Variants in ADCY2 observed in about 807,000 individuals in gnomAD.
ADCY2 encodes adenylate cyclase type 2.
In ADCY2, 31 loss-of-function variants were observed where a neutral mutation model predicts 125.2. The ratio of observed to expected loss-of-function variants is 0.25; its 90% CI spans 0.19 to 0.33. The LOEUF (loss-of-function observed/expected upper bound fraction) is 0.33. Ranked by LOEUF, ADCY2 falls within the 10% of genes least tolerant of loss-of-function variation. ADCY2 has a pLI of 1.00. For synonymous variants in ADCY2, 512 were observed against 548.4 expected (o/e 0.93, Z 0.93); for missense variants, 904 against 1,418.2 (o/e 0.64, Z 5.82).
chr5:7,516,762 C>T (rs547814042), intron 2 of ADCY2, among the ~76,000 whole-genome samples: 18 of 152,306 alleles, frequency 1.2e-4, no homozygotes, highest in African/African-American at 3.8e-4. Context: ...AGGGTACACA[C>T]TCTGTTTCCC....
chr5:7,818,717 G>C (rs1246106983), intron 23 of ADCY2, among the ~76,000 whole-genome samples: 1 of 151,960 alleles, frequency 6.6e-6, no homozygotes, highest in African/African-American at 2.4e-5. Flanking sequence ...CCTATCGGGG[G>C]CTCTACCTTA....
chr5:7,563,169 A>G (rs1031682799), intron 3 of ADCY2, among the ~76,000 whole-genome samples: 2 of 152,198 alleles, frequency 1.3e-5, no homozygotes, highest in East Asian at 1.9e-4. Flanking sequence ...AGCAGGTTAC[A>G]TGGTTTTAAT....
intron 4 of ADCY2, among the ~76,000 whole-genome samples, chr5:7,630,204 C>T (rs1238284060): frequency 1.3e-5 from 2 of 152,002 alleles, no homozygotes; most frequent in African/African-American, 2.4e-5. Context: ...AAATTGTTTT[C>T]CTCTCTGCAG....
In ADCY2 at chr5:7,459,083, AGGCTGTAGGTG is replaced by A. The variant is rs1298606743; in HGVS notation, c.408+44316_408+44326del. Among the ~76,000 whole-genome samples, 4 of 152,248 alleles carry A rather than the reference AGGCTGTAGGTG, an allele frequency of 2.6e-5. No homozygotes were observed. In the Middle Eastern group the frequency reaches 0.014, roughly 518 times the overall value. On this transcript the variant is annotated intron_variant, in intron 2 of 24. Transcript: ENST00000338316. ...GTGATTGTCAGCTGCCCCTCACTCTAGGCTGTAGGTGGGTGCGGATCTTCTGACATACTTCT... is the reference window on the plus strand; with the variant it reads ...GTGATTGTCAGCTGCCCCTCACTCTAGGTGCGGATCTTCTGACATACTTCT...
chr5:7,574,676 CT>C (rs752371715), intron 3 of ADCY2, among the ~76,000 whole-genome samples: 5 of 152,292 alleles, frequency 3.3e-5, no homozygotes, highest in East Asian at 1.9e-4. Context: ...TATACTACCC[CT>C]GACCTTTAAA....
intron 3 of ADCY2, among the ~76,000 whole-genome samples, chr5:7,536,992 A>G (rs1034286049): frequency 2.0e-5 from 3 of 149,982 alleles, no homozygotes; most frequent in African/African-American, 4.9e-5. Flanking sequence ...AAAGTAATCA[A>G]TAAATCACAG....
intron 3 of ADCY2, among the ~76,000 whole-genome samples, chr5:7,602,922 A>C (rs1384652846): frequency 6.6e-6 from 1 of 152,172 alleles, no homozygotes; most frequent in East Asian, 1.9e-4. Flanking sequence ...TTTGCTTCAC[A>C]TAAAAGGAAG....
At chr5:7,559,626 G>C (rs1007775509) in intron 3 of ADCY2, among the ~76,000 whole-genome samples, 11 of 152,192 alleles carry the variant, frequency 7.2e-5, no homozygotes, top group African/African-American at 2.7e-4. Context: ...TGCAAACAGG[G>C]ATAGTTTGAA....
chr5:7,537,447 C>T (rs2126555234), intron 3 of ADCY2, among the ~76,000 whole-genome samples: 1 of 152,300 alleles, frequency 6.6e-6, no homozygotes, highest in Non-Finnish European at 1.5e-5. Flanking sequence ...ATCCTCTGTA[C>T]TTCCCAGCCT....
intron 4 of ADCY2, among the ~76,000 whole-genome samples, chr5:7,665,202 G>C (rs1397178252): frequency 6.6e-6 from 1 of 152,176 alleles, no homozygotes; most frequent in African/African-American, 2.4e-5. Context: ...ATTTTACAGA[G>C]TTTGACTCTT....
chr5:7,689,475 C>T (rs1740634738), intron 4 of ADCY2, among the ~76,000 whole-genome samples: 1 of 152,164 alleles, frequency 6.6e-6, no homozygotes, highest in African/African-American at 2.4e-5. Context: ...ACTGAGCTTC[C>T]CCTATGAGCA....
Position 7,827,794 on chromosome 5 carries a change from T to G in ADCY2, c.*923T>G, listed in dbSNP as rs989818823. 2.0e-5 allele frequency: 3 copies of G among 152,380 alleles called. No homozygotes were observed. The highest frequency in any genetic ancestry group is 6.5e-5 in the Admixed American group (1 of 15,282). The allele number at this position is 152,380 out of a possible 1,614,324, so 9.4% of individuals were successfully genotyped here. On this transcript the variant is annotated 3_prime_UTR_variant, in exon 25 of 25. Coordinates refer to ENST00000338316, the MANE Select transcript of ADCY2 (RefSeq NM_020546.3). ...AATTTGGGCATCTCTAGAGAACGCTTTCAGGGAAAAATACTTTAATAGTAA... is the reference window on the plus strand; with the variant it reads ...AATTTGGGCATCTCTAGAGAACGCTGTCAGGGAAAAATACTTTAATAGTAA...
chr5:7,488,590 G>A (rs972129092), intron 2 of ADCY2, among the ~76,000 whole-genome samples: 16 of 152,156 alleles, frequency 1.1e-4, no homozygotes, highest in African/African-American at 3.9e-4. Context: ...TATCAAGGCT[G>A]CATTGCATAG....
chr5:7,616,418 T>C (rs1737764769), intron 3 of ADCY2, among the ~76,000 whole-genome samples: 1 of 152,202 alleles, frequency 6.6e-6, no homozygotes, highest in African/African-American at 2.4e-5. Flanking sequence ...CCTTGTATCA[T>C]TTAAATTGTT....
At chr5:7,426,901 T>G (rs899542626) in intron 2 of ADCY2, among the ~76,000 whole-genome samples, 14 of 152,152 alleles carry the variant, frequency 9.2e-5, no homozygotes, top group African/African-American at 3.4e-4. Context: ...AGAAAAGCTT[T>G]GCCAAGAGTG....
chr5:7,575,764 A>G (rs1736226690), intron 3 of ADCY2, among the ~76,000 whole-genome samples: 1 of 152,184 alleles, frequency 6.6e-6, no homozygotes. Context: ...TCAAATATGT[A>G]CCATCAACCA....
At chr5:7,711,716 C>A (rs879678809) in intron 10 of ADCY2, among the ~76,000 whole-genome samples, 2 of 152,196 alleles carry the variant, frequency 1.3e-5, no homozygotes, top group Non-Finnish European at 2.9e-5. Context: ...AGTGCCTCAA[C>A]TTCAGAAATT....
At chr5:7,477,088 T>A (rs956049711) in intron 2 of ADCY2, among the ~76,000 whole-genome samples, 1 of 152,188 alleles carries the variant, frequency 6.6e-6, no homozygotes, top group Admixed American at 6.5e-5. Flanking sequence ...ACACGTAACA[T>A]TACCTCGCTC....
At chr5:7,428,980 G>A (rs1394540438) in intron 2 of ADCY2, among the ~76,000 whole-genome samples, 1 of 150,938 alleles carries the variant, frequency 6.6e-6, no homozygotes, top group Non-Finnish European at 1.5e-5. Flanking sequence ...GAAATTCTCA[G>A]GATGGAATAC....
Sources: gnomAD v4.1 joint callset for allele counts (sites outside exome capture counted in the v4.1 genomes callset) on GRCh38, gnomAD v4.1.1 for gene constraint, MANE v1.5 for transcripts, NCBI Gene and HGNC (gene_info 2026-07-23, HGNC 2026-07-21) for gene names.